The following SNX4 variants were observed in gnomAD, a reference collection of about 807,000 sequenced individuals.
SNX4 encodes the protein sorting nexin 4.
A neutral mutation model predicts 70.8 loss-of-function variants in SNX4; 49 were observed. That is an observed-to-expected ratio of 0.69 (90% CI 0.55 to 0.88). The LOEUF is 0.88. Among genes scored for constraint, SNX4 ranks in the 40% least tolerant of loss-of-function variants. The probability of loss-of-function intolerance (pLI) is 0.00; values close to 1 mark genes in which losing one functional copy is unlikely to be tolerated. For synonymous variants in SNX4, 206 were observed against 183.8 expected (o/e 1.12, Z -0.98); for missense variants, 528 against 544.8 (o/e 0.97, Z 0.31).
Position 125,498,150 on chromosome 3 carries a change from AGT to A in SNX4, c.306_307del (p.Leu103MetfsTer5). 1 of 1,614,148 alleles carries A rather than the reference AGT, an allele frequency of 6.2e-7. No homozygotes were observed. On this transcript the variant is annotated frameshift_variant, in exon 3 of 14. Coordinates refer to ENST00000251775, the MANE Select transcript of SNX4 (RefSeq NM_003794.4). LOFTEE classifies it high-confidence loss of function. ...CTCAAATTCACTATATCGCCGCCAT[AGT>A]GAGTCTGTTAGGACACTCTGACCAT...
chr3:125,449,980 C>T (rs896785282), intron 13 of SNX4, among the ~76,000 whole-genome samples: 4 of 152,158 alleles, frequency 2.6e-5, no homozygotes, highest in Non-Finnish European at 5.9e-5. Flanking sequence ...TGTGGTGGCT[C>T]ATGCCTATAA....
At chr3:125,472,134 T>C (rs1394402931) in intron 8 of SNX4, among the ~76,000 whole-genome samples, 2 of 152,082 alleles carry the variant, frequency 1.3e-5, no homozygotes, top group African/African-American at 4.8e-5. Flanking sequence ...ATTCTTTCAC[T>C]CCAACCTCCA....
At chr3:125,503,688 T>G (rs1011555421) in intron 2 of SNX4, among the ~76,000 whole-genome samples, 5 of 152,184 alleles carry the variant, frequency 3.3e-5, no homozygotes, top group Non-Finnish European at 4.4e-5. Context: ...CACTTCTACA[T>G]GCCAGAGAAC....
chr3:125,488,047 G>A (rs1361490905), intron 6 of SNX4, among the ~76,000 whole-genome samples: 1 of 151,794 alleles, frequency 6.6e-6, no homozygotes, highest in Non-Finnish European at 1.5e-5. Flanking sequence ...TGATAGTTAG[G>A]GAGGCTGTGA....
rs1934845903 is a variant in SNX4 at position 125,498,214 on chromosome 3, C to T, written c.264-20G>A. 2 of 1,595,996 alleles carry T rather than the reference C, an allele frequency of 1.3e-6. No homozygotes were observed. The highest frequency in any genetic ancestry group is 2.3e-5 in the South Asian group (2 of 87,830). ...ACTGACCTGAAAAGGAACAGAACAA[C>T]ACTTGTTATTTTTTATAAACAAAAA... On this transcript the variant is annotated intron_variant, in intron 2 of 13. Transcript: ENST00000251775.
At chr3:125,450,018 G>C (rs1196402286) in intron 13 of SNX4, among the ~76,000 whole-genome samples, 1 of 152,234 alleles carries the variant, frequency 6.6e-6, no homozygotes, top group African/African-American at 2.4e-5. Context: ...GCCAGGGCGG[G>C]AGGACTGCTT....
chr3:125,455,516 C>T (rs541515996), intron 11 of SNX4, among the ~76,000 whole-genome samples: 28 of 152,170 alleles, frequency 1.8e-4, no homozygotes, highest in African/African-American at 5.8e-4. Context: ...CTGGAGTTTA[C>T]TGAAGAAAAC....
chr3:125,494,533 A>G (rs1478441586), intron 5 of SNX4, among the ~76,000 whole-genome samples: 2 of 152,240 alleles, frequency 1.3e-5, no homozygotes, highest in Non-Finnish European at 2.9e-5. Flanking sequence ...TCAGATAAGA[A>G]ACTGTTTTAG....
At chr3:125,457,238 C>G in intron 11 of SNX4, 28 bp downstream of exon 11, 1 of 1,495,838 alleles carries the variant, frequency 6.7e-7, no homozygotes, top group Non-Finnish European at 9.3e-7. Context: ...GCTACAGTAT[C>G]ATCAGAGGCC....
intron 11 of SNX4, among the ~76,000 whole-genome samples, chr3:125,455,683 T>C (rs1215710964): frequency 6.6e-6 from 1 of 152,210 alleles, no homozygotes; most frequent in Non-Finnish European, 1.5e-5. Flanking sequence ...TTCACAGATG[T>C]AGCCAGTGGG....
intron 9 of SNX4, among the ~76,000 whole-genome samples, chr3:125,468,345 C>T (rs1439850209): frequency 1.3e-5 from 2 of 152,134 alleles, no homozygotes; most frequent in African/African-American, 4.8e-5. Context: ...CCATGTCAGG[C>T]AATTTACAAA....
At chr3:125,484,904 A>G (rs777814021) in intron 6 of SNX4, among the ~76,000 whole-genome samples, 1 of 152,016 alleles carries the variant, frequency 6.6e-6, no homozygotes, top group Non-Finnish European at 1.5e-5. Flanking sequence ...CGTCTTTACT[A>G]AAAATACAAA....
intron 9 of SNX4, among the ~76,000 whole-genome samples, chr3:125,464,560 C>G (rs1171498779): frequency 2.2e-5 from 2 of 91,250 alleles, no homozygotes; most frequent in African/African-American, 9.2e-5. Flanking sequence ...ATCTATTTAT[C>G]TTTCTTTTTT....
At chr3:125,469,708 G>C (rs917467361) in intron 8 of SNX4, among the ~76,000 whole-genome samples, 189 bp from the exon 9 acceptor site, 2 of 152,112 alleles carry the variant, frequency 1.3e-5, no homozygotes, top group Non-Finnish European at 1.5e-5. Context: ...TGAAGTGAAG[G>C]CTTCAAACGT....
chr3:125,458,264 C>T (rs1416856991), intron 10 of SNX4, among the ~76,000 whole-genome samples: 1 of 150,782 alleles, frequency 6.6e-6, no homozygotes, highest in East Asian at 2.0e-4. Context: ...CCTCTGCCTC[C>T]TGGGCTCAGG....
intron 9 of SNX4, among the ~76,000 whole-genome samples, chr3:125,465,390 C>T (rs982227065): frequency 1.3e-5 from 2 of 151,132 alleles, no homozygotes; most frequent in Admixed American, 6.6e-5. Flanking sequence ...GGATTACAAG[C>T]GCCTGCCACC....
intron 1 of SNX4, among the ~76,000 whole-genome samples, chr3:125,516,132 G>A (rs1213160349): frequency 6.6e-6 from 1 of 152,114 alleles, no homozygotes; most frequent in Non-Finnish European, 1.5e-5. Flanking sequence ...CAGGTCTAGA[G>A]CACTCTCCCT....
At chr3:125,518,997 A>C (rs967023028) in intron 1 of SNX4, among the ~76,000 whole-genome samples, 32 of 152,042 alleles carry the variant, frequency 2.1e-4, no homozygotes, top group African/African-American at 7.7e-4. Context: ...TGGGTGACAA[A>C]GACTATGTCT....
In SNX4 at chr3:125,469,517, T is replaced by G; in HGVS notation, c.791A>C (p.Glu264Ala). The G allele has an allele frequency of 6.2e-7, 1 of 1,608,862 alleles. No individual in the cohort carries two copies. The highest frequency in any genetic ancestry group is 8.5e-7 in the Non-Finnish European group (1 of 1,175,236). ...CATTTCTTTTTCTATGGCACTCCATTCACTAGGGAGTAAAAGATAAAACCA... is the reference window on the plus strand; with the variant it reads ...CATTTCTTTTTCTATGGCACTCCATGCACTAGGGAGTAAAAGATAAAACCA... The part of the protein sequence containing the change: ...VHGNYGRVFS[E>A]WSAIEKEMGD... Residue 264 changes from glutamate to alanine, a missense_variant and splice_region_variant, in exon 9 of 14, where the codon GAA becomes GCA. By Grantham distance (107) the Glu-to-Ala change is moderately radical. Transcript: ENST00000251775.
Sources: allele counts gnomAD v4.1 joint callset (sites outside exome capture counted in the v4.1 genomes callset), GRCh38; gene constraint gnomAD v4.1.1; transcripts MANE v1.5; gene names NCBI Gene and HGNC (gene_info 2026-07-23, HGNC 2026-07-21).